MUC5AC: variants seen among roughly 807,000 people sequenced by gnomAD.
The protein encoded by MUC5AC is mucin 5AC, oligomeric mucus/gel-forming.
A neutral mutation model predicts 169.7 loss-of-function variants in MUC5AC; 158 were observed. The ratio of observed to expected loss-of-function variants is 0.93; its 90% confidence interval spans 0.82 to 1.06. The LOEUF is 1.06. Ranked by LOEUF, MUC5AC falls within the 50% of genes least tolerant of loss-of-function variation. MUC5AC has a pLI of 0.00. For missense variants in MUC5AC, 4,359 were observed against 3,089.9 expected, an observed-to-expected ratio of 1.41 and a Z score of -9.74; for synonymous variants, 1,975 against 1,237.0, an observed-to-expected ratio of 1.60 and a Z score of -12.52.
chr11:1,182,213 G>C lies in MUC5AC; in HGVS notation c.4068G>C (p.Pro1356=). ...NGPSSAHTGP[P]SSAWPTTAGT... ...CAAGCAGCGCGCACACAGGCCCTCCGAGCAGCGCCTGGCCCACCACAGCAG... is the reference window on the plus strand; with the variant it reads ...CAAGCAGCGCGCACACAGGCCCTCCCAGCAGCGCCTGGCCCACCACAGCAG... The change falls in exon 31 of 49, where the codon CCG becomes CCC. Residue 1356 remains proline, a synonymous_variant. Coordinates refer to ENST00000621226, the MANE Select transcript of MUC5AC (RefSeq NM_001304359.2). 1 of 398,678 alleles carries C rather than the reference G, an allele frequency of 2.5e-6. No homozygotes were observed. Among genetic ancestry groups the C allele is most frequent in the Non-Finnish European group, 4.4e-6 (1 of 226,126 alleles). 24.7% of individuals were successfully genotyped at this position (398,678 alleles called of 1,614,324 possible). A position where few individuals can be genotyped will look rare whatever the true frequency, so the allele number is the denominator to read the frequency against.
chr11:1,180,097 G>C lies in MUC5AC; in HGVS notation c.3560G>C (p.Arg1187Pro), dbSNP rs901119774. 4 of 398,966 alleles carry C rather than the reference G, an allele frequency of 1.0e-5. No homozygotes were observed. The highest frequency in any genetic ancestry group is 1.8e-5 in the Non-Finnish European group (4 of 226,206). The allele number at this position is 398,966 out of a possible 1,614,324, so 24.7% of individuals were successfully genotyped here. ...CAGCCCTGCGGGGTGCCCTGCCTGC[G>C]CACCTGCCGGAACCCCCGTGGAGAC... ...HYQPCGVPCL[R>P]TCRNPRGDCL... The change falls in exon 27 of 49, where the codon CGC becomes CCC. Residue 1187 changes from arginine to proline, a missense_variant. Arg to Pro is a moderately radical substitution (Grantham distance 103). Coordinates refer to ENST00000621226, the MANE Select transcript of MUC5AC (RefSeq NM_001304359.2).
rs1860844203 is a variant in MUC5AC, at chr11:1,182,737, C to A, written c.4592C>A (p.Thr1531Asn). The change falls in exon 31 of 49, where the codon ACC becomes AAC. Residue 1531 changes from threonine to asparagine, a missense_variant. By Grantham distance (65) the Thr-to-Asn change is moderately conservative (BLOSUM62 0). Transcript: ENST00000621226. ...ACGACACCTGCCCCAGGTACCGCTA[C>A]CTCTGTCAAAAAAACTTTCTCAACT... is the stretch of plus-strand genomic sequence containing the variant. ...ARTTPAPGTA[T>N]SVKKTFSTPS... 5.0e-6 allele frequency: 2 copies of A among 398,508 alleles called. No individual in the cohort carries two copies. Among genetic ancestry groups the A allele is most frequent in the Admixed American group, 8.8e-5 (2 of 22,734 alleles). The allele number at this position is 398,508 out of a possible 1,614,324, so 24.7% of individuals were successfully genotyped here. A position where few individuals can be genotyped will look rare whatever the true frequency, so the allele number is the denominator to read the frequency against.
chr11:1,174,564 C>T lies in MUC5AC; in HGVS notation c.2034C>T (p.Tyr678=), dbSNP rs1860626686. ...EDCLCAALSS[Y]VHACAAKGVQ... ...GCCTGTGCGCCGCGCTGTCCTCCTA[C>T]GTGCACGCCTGTGCCGCCAAGGGCG... The change falls in exon 17 of 49, where the codon TAC becomes TAT. Residue 678 remains tyrosine (Y), a synonymous_variant. Transcript: ENST00000621226. 1.6e-5 allele frequency: 25 copies of T among 1,548,770 alleles called. No individual in the cohort carries two copies. The highest frequency in any genetic ancestry group is 2.4e-5 in the East Asian group (1 of 41,678).
chr11:1,195,576 C>T (rs891251285), intron 36 of MUC5AC, among the ~76,000 whole-genome samples: 14 of 150,158 alleles, frequency 9.3e-5, no homozygotes, highest in East Asian at 1.9e-4. Context: ...GGTGTATGGA[C>T]GGGGGCATCG....
rs1186155333 is a variant in MUC5AC at position 1,185,070 on chromosome 11, A to G, written c.6925A>G (p.Ser2309Gly). 4.2e-6 allele frequency: 3 copies of G among 710,770 alleles called. No homozygotes were observed. In the African/African-American group the frequency reaches 5.3e-5, roughly 13 times the overall value. 44.0% of individuals were successfully genotyped at this position (710,770 alleles called of 1,614,324 possible). ...STTSGPGNTP[S>G]PVPTTSTISA... The stretch of plus-strand genomic sequence containing the variant: ...AACCTCTGGTCCTGGAAATACTCCC[A>G]GCCCTGTTCCTACCACCAGCACAAT... Residue 2309 changes from serine (S) to glycine (G), a missense_variant, in exon 31 of 49, where the codon AGC becomes GGC. Ser to Gly is a moderately conservative substitution (Grantham distance 56, BLOSUM62 0). Coordinates refer to ENST00000621226, the MANE Select transcript of MUC5AC (RefSeq NM_001304359.2).
chr11:1,162,837 T>G, intron 5 of MUC5AC, 118 bp from the exon 6 acceptor site: 1 of 1,103,104 alleles, frequency 9.1e-7, no homozygotes, highest in Non-Finnish European at 1.4e-6. Context: ...GGATGGAGAC[T>G]GCTTTCGGGG....
At chr11:1,193,295 A>G (rs1231979560) in intron 32 of MUC5AC, among the ~76,000 whole-genome samples, 190 bp from the exon 33 acceptor site, 1 of 77,860 alleles carries the variant, frequency 1.3e-5, no homozygotes, top group Non-Finnish European at 2.4e-5. Flanking sequence ...AGCCACTCCC[A>G]CACCAGAGGC....
rs1284910644 is a variant in MUC5AC at position 1,191,399 on chromosome 11, C to G, written c.13254C>G (p.Thr4418=). 1 of 742,004 alleles carries G rather than the reference C, an allele frequency of 1.3e-6. No homozygotes were observed. The highest frequency in any genetic ancestry group is 2.5e-6 in the Non-Finnish European group (1 of 405,432). The allele number at this position is 742,004 out of a possible 1,614,324, so 46.0% of individuals were successfully genotyped here. A position where few individuals can be genotyped will look rare whatever the true frequency, so the allele number is the denominator to read the frequency against. Residue 4418 remains threonine (T), a synonymous_variant, in exon 31 of 49, where the codon ACC becomes ACG. Coordinates refer to ENST00000621226, the MANE Select transcript of MUC5AC (RefSeq NM_001304359.2). ...GCCCTGTTCCCACCACCAGCACAAC[C>G]TCTGCTCCTACAACCAGAACAACCC... The part of the protein sequence containing the change: ...TPSPVPTTST[T]SAPTTRTTPA...
At chr11:1,170,366 C>G (rs1183513083) in intron 15 of MUC5AC, among the ~76,000 whole-genome samples, 23 of 143,942 alleles carry the variant, frequency 1.6e-4, no homozygotes, top group Admixed American at 1.3e-3. Flanking sequence ...TCACTCACCT[C>G]ACTCACGCGC....
In MUC5AC at chr11:1,164,546, G is replaced by GA. The variant is rs1860246278; in HGVS notation, c.1129+14_1129+15insA. On this transcript the variant is annotated intron_variant, in intron 9 of 48. Coordinates refer to ENST00000621226, the MANE Select transcript of MUC5AC (RefSeq NM_001304359.2). ...TCTGCCCTGAGGGTGAGGCTCCCCC[G>GA]CCCCTGGGAAACACAGGTGCACCCC... 6.3e-7 allele frequency: 1 copy of GA among 1,595,980 alleles called. No homozygotes were observed.
At chr11:1,169,623 C>T (rs1199498678) in intron 15 of MUC5AC, among the ~76,000 whole-genome samples, 1 of 141,268 alleles carries the variant, frequency 7.1e-6, no homozygotes, top group African/African-American at 2.7e-5. Context: ...ACTCACTCAC[C>T]TCACTCACTC....
intron 43 of MUC5AC, 92 bp from the exon 44 acceptor site, chr11:1,198,782 G>A: frequency 1.5e-6 from 1 of 658,744 alleles, no homozygotes; most frequent in Non-Finnish European, 2.8e-6. Context: ...GGGGATGTCT[G>A]GGAAGTTGGG....
intron 48 of MUC5AC, among the ~76,000 whole-genome samples, 170 bp downstream of exon 48, chr11:1,200,139 G>A (rs1387283319): frequency 6.6e-6 from 1 of 152,162 alleles, no homozygotes; most frequent in Non-Finnish European, 1.5e-5. Flanking sequence ...TGGGGCTGGG[G>A]TAACTACATC....
In MUC5AC at chr11:1,198,320, G is replaced by A. The variant is rs1444716858; in HGVS notation, c.16173+15G>A. On this transcript the variant is annotated intron_variant, in intron 43 of 48. Transcript: ENST00000621226. ...CCCTGTACCAGGTAAGAGCCACGGA[G>A]CTCAGACCCCCTCAGCCATAGGGAC... The A allele has an allele frequency of 1.3e-6, 1 of 744,848 alleles. No individual in the cohort carries two copies. The highest frequency in any genetic ancestry group is 2.4e-6 in the Non-Finnish European group (1 of 408,288). The allele number at this position is 744,848 out of a possible 1,614,324, so 46.1% of individuals were successfully genotyped here.
In MUC5AC at chr11:1,165,607, A is replaced by G; in HGVS notation, c.1248-15A>G. The stretch of plus-strand genomic sequence containing the variant: ...CTGGGGCCGGCACCCACGTGGCACC[A>G]TCTCTTGCTCTCAGCACCTGCTCCG... On this transcript the variant is annotated splice_polypyrimidine_tract_variant and intron_variant, in intron 10 of 48. Transcript: ENST00000621226. The G allele has an allele frequency of 6.2e-7, 1 of 1,611,358 alleles. No individual in the cohort carries two copies. The highest frequency in any genetic ancestry group is 2.2e-5 in the East Asian group (1 of 44,878).
At position 1,197,492 on chromosome 11, in the gene MUC5AC, T is replaced by A. The variant is rs768361119; in HGVS notation, c.15886T>A (p.Cys5296Ser). The change falls in exon 41 of 49, where the codon TGC (cysteine) becomes AGC (serine). Residue 5296 changes from cysteine (C) to serine (S), a missense_variant. Cys to Ser is a moderately radical substitution (Grantham distance 112, BLOSUM62 -1). Coordinates refer to ENST00000621226, the MANE Select transcript of MUC5AC (RefSeq NM_001304359.2). Reference sequence around the variant, plus strand: ...GGTGGGCCACACCGTCGGCATGGACTGCCAGGAGTGCACGTGTGAGGCGGC... The same window carrying A: ...GGTGGGCCACACCGTCGGCATGGACAGCCAGGAGTGCACGTGTGAGGCGGC... ...VKVGHTVGMD[C>S]QECTCEAATW... 1.7e-5 allele frequency: 12 copies of A among 717,826 alleles called. No homozygotes were observed. The Admixed American group carries it at 2.3e-4, about 14-fold the overall frequency. 44.5% of individuals were successfully genotyped at this position (717,826 alleles called of 1,614,324 possible).
intron 15 of MUC5AC, among the ~76,000 whole-genome samples, chr11:1,169,940 A>C (rs1386567706): frequency 7.6e-6 from 1 of 132,122 alleles, no homozygotes; most frequent in African/African-American, 2.9e-5. Flanking sequence ...TCACTCGCCC[A>C]CTCACCCACT....
At position 1,179,172 on chromosome 11, in the gene MUC5AC, C is replaced by T. The variant is rs1159679106; in HGVS notation, c.3408C>T (p.Cys1136=). The change falls in exon 26 of 49, where the codon TGC becomes TGT. Residue 1136 remains cysteine, a synonymous_variant. Transcript: ENST00000621226. ...CCGGGGGTGACTGCGAGTGCTTCTG[C>T]ACGGCTGTGGCCGCCTACGCCCAGG... ...CDSGGDCECF[C]TAVAAYAQAC... 8 of 681,932 alleles carry T rather than the reference C, an allele frequency of 1.2e-5. No individual in the cohort carries two copies. In the African/African-American group the frequency reaches 1.4e-4, roughly 12 times the overall value. 42.2% of individuals were successfully genotyped at this position (681,932 alleles called of 1,614,324 possible). A position where few individuals can be genotyped will look rare whatever the true frequency, so the allele number is the denominator to read the frequency against.
Position 1,168,755 on chromosome 11 carries a change from C to A in MUC5AC, c.1681C>A (p.Pro561Thr). The change falls in exon 14 of 49, where the codon CCC (proline) becomes ACC (threonine). Residue 561 changes from proline (P) to threonine (T), a missense_variant. Coordinates refer to ENST00000621226, the MANE Select transcript of MUC5AC (RefSeq NM_001304359.2). ...PTMQLFMQLA[P>T]KLRGQTCGLC... ...CATGCAGCTGTTCATGCAGCTGGCG[C>A]CCAAGCTCCGTGGGCAGACCTGCGG... 6.2e-7 allele frequency: 1 copy of A among 1,606,118 alleles called. No individual in the cohort carries two copies.
Sources: gnomAD v4.1 joint callset for allele counts (sites outside exome capture counted in the v4.1 genomes callset) on GRCh38, gnomAD v4.1.1 for gene constraint, MANE v1.5 for transcripts, NCBI Gene and HGNC (gene_info 2026-07-23, HGNC 2026-07-21) for gene names.